PRKN: variants seen among roughly 807,000 people sequenced by gnomAD.
The protein encoded by PRKN is parkin RBR E3 ubiquitin protein ligase, also known as E3 ubiquitin-protein ligase parkin.
A neutral mutation model predicts 59.5 loss-of-function variants in PRKN; 56 were observed. The ratio of observed to expected loss-of-function variants is 0.94; its 90% CI spans 0.76 to 1.18. The LOEUF (loss-of-function observed/expected upper bound fraction) is 1.18. Among genes scored for constraint, PRKN ranks in the 50% most tolerant of loss-of-function variants. PRKN has a pLI of 0.00. For synonymous variants in PRKN, 250 were observed against 222.1 expected (o/e 1.13, Z -1.12); for missense variants, 657 against 596.4 (o/e 1.10, Z -1.06).
intron 1 of PRKN, among the ~76,000 whole-genome samples, chr6:162,526,125 G>A (rs1455321193): frequency 7.9e-5 from 12 of 152,134 alleles, no homozygotes; most frequent in African/African-American, 2.9e-4. Flanking sequence ...TTACAGGCAT[G>A]AGCCACTGCA....
In PRKN at chr6:162,010,501, AATATATTATATT is replaced by A. The variant is rs1782481405; in HGVS notation, c.619-37096_619-37085del. ...AATGTATTTATAATATATATTATATAATATATTATATTATATATTATATAATATATTATATAA... is the reference window on the plus strand; with the variant it reads ...AATGTATTTATAATATATATTATATAATATATTATATAATATATTATATAA... On this transcript the variant is annotated intron_variant, in intron 5 of 11. Coordinates refer to ENST00000366898, the MANE Select transcript of PRKN (RefSeq NM_004562.3). Among the ~76,000 whole-genome samples the A allele has an allele frequency of 2.7e-4, 12 of 44,304 alleles. 1 individual carries two copies. The highest frequency in any genetic ancestry group is 5.3e-4 in the Admixed American group (1 of 1,870). 29.1% of individuals were successfully genotyped at this position (44,304 alleles called of 152,430 possible). A position where few individuals can be genotyped will look rare whatever the true frequency, so the allele number is the denominator to read the frequency against.
chr6:161,606,541 A>G (rs1462301698), intron 7 of PRKN, among the ~76,000 whole-genome samples: 2 of 152,232 alleles, frequency 1.3e-5, no homozygotes, highest in African/African-American at 4.8e-5. Context: ...AGGGAAATAA[A>G]TCTATAAGGA....
intron 1 of PRKN, among the ~76,000 whole-genome samples, chr6:162,705,765 C>T (rs904353831): frequency 6.6e-6 from 1 of 152,168 alleles, no homozygotes; most frequent in Non-Finnish European, 1.5e-5. Context: ...AACCCTCAGT[C>T]AGCCCTGTAG....
intron 9 of PRKN, among the ~76,000 whole-genome samples, chr6:161,504,582 G>C (rs2115311995): frequency 6.6e-6 from 1 of 151,776 alleles, no homozygotes; most frequent in African/African-American, 2.4e-5. Context: ...GTGCAGGTTA[G>C]TTACATATGT....
At chr6:162,583,142 A>G (rs1302532356) in intron 1 of PRKN, among the ~76,000 whole-genome samples, 2 of 152,188 alleles carry the variant, frequency 1.3e-5, no homozygotes, top group African/African-American at 2.4e-5. Context: ...ACAAGGTGCC[A>G]CCTTGGAAGA....
intron 2 of PRKN, among the ~76,000 whole-genome samples, chr6:162,438,682 G>C (rs1032463209): frequency 5.9e-5 from 9 of 152,142 alleles, no homozygotes; most frequent in Non-Finnish European, 1.0e-4. Context: ...CTATAGGGAA[G>C]GTGTGATATT....
intron 2 of PRKN, among the ~76,000 whole-genome samples, chr6:162,422,134 G>T (rs796376860): frequency 5.3e-5 from 8 of 152,312 alleles, no homozygotes; most frequent in African/African-American, 1.7e-4. Context: ...CAGTTACTAA[G>T]ACACCATGTA....
intron 1 of PRKN, among the ~76,000 whole-genome samples, chr6:162,579,386 G>A (rs1454228564): frequency 2.0e-5 from 3 of 151,740 alleles, no homozygotes; most frequent in Non-Finnish European, 4.4e-5. Context: ...ACTTCCTTCA[G>A]TGGACAAAAT....
At chr6:162,561,089 A>G (rs561407371) in intron 1 of PRKN, among the ~76,000 whole-genome samples, 2 of 152,294 alleles carry the variant, frequency 1.3e-5, no homozygotes, top group East Asian at 3.9e-4. Context: ...GGAGAAATCC[A>G]TGGAGCGTGT....
intron 4 of PRKN, among the ~76,000 whole-genome samples, chr6:162,147,329 G>A (rs1782071712): frequency 7.5e-6 from 1 of 132,884 alleles, no homozygotes; most frequent in Non-Finnish European, 1.5e-5. Context: ...GGTGACAGAG[G>A]AAGACTCTGT....
chr6:161,577,156 C>A (rs1196990882), intron 7 of PRKN, among the ~76,000 whole-genome samples: 2 of 152,276 alleles, frequency 1.3e-5, no homozygotes, highest in Admixed American at 6.5e-5. Context: ...TTAGTAGGAA[C>A]AAAACACTCT....
At chr6:162,114,583 A>G (rs1780585235) in intron 4 of PRKN, among the ~76,000 whole-genome samples, 3 of 152,104 alleles carry the variant, frequency 2.0e-5, no homozygotes, top group Admixed American at 2.0e-4. Flanking sequence ...GAATATTTTC[A>G]CAACCTACTC....
At chr6:161,933,153 A>G (rs1271835269) in intron 6 of PRKN, among the ~76,000 whole-genome samples, 3 of 152,072 alleles carry the variant, frequency 2.0e-5, no homozygotes, top group Non-Finnish European at 4.4e-5. Context: ...GGTGATGCAC[A>G]TCTGTAATCC....
At chr6:161,899,475 G>A (rs116418265) in intron 6 of PRKN, among the ~76,000 whole-genome samples, 405 of 152,286 alleles carry the variant, frequency 2.7e-3, no homozygotes, top group African/African-American at 9.4e-3. Context: ...CAAAGGCTCA[G>A]ATAAAAGATA....
At chr6:161,515,905 A>C (rs1281034752) in intron 9 of PRKN, among the ~76,000 whole-genome samples, 1 of 152,260 alleles carries the variant, frequency 6.6e-6, no homozygotes, top group Non-Finnish European at 1.5e-5. Flanking sequence ...ACTGAAAAAA[A>C]TTAATAACCT....
chr6:162,370,473 C>A (rs1368611426), intron 2 of PRKN, among the ~76,000 whole-genome samples: 1 of 152,044 alleles, frequency 6.6e-6, no homozygotes. Flanking sequence ...AACTTCATTT[C>A]CCCAAATTAC....
At position 162,235,949 on chromosome 6, in the gene PRKN, G is replaced by A. The variant is rs866006693; in HGVS notation, c.412+26576C>T. On this transcript the variant is annotated intron_variant, in intron 3 of 11. Transcript: ENST00000366898. ...AGGAAGGAAGGAAGGAAGGAAGGAA[G>A]GAAGAAAGGAAGAAAGAAAGAAAGA... Among the ~76,000 whole-genome samples, 145 of 75,910 alleles carry A rather than the reference G, an allele frequency of 1.9e-3. 5 individuals are homozygous for A. The highest frequency in any genetic ancestry group is 6.3e-3 in the East Asian group (7 of 1,114). The allele number at this position is 75,910 out of a possible 152,430, so 49.8% of individuals were successfully genotyped here. A position where few individuals can be genotyped will look rare whatever the true frequency, so the allele number is the denominator to read the frequency against.
intron 2 of PRKN, among the ~76,000 whole-genome samples, chr6:162,389,718 G>A (rs1787063678): frequency 6.6e-6 from 1 of 152,178 alleles, no homozygotes; most frequent in Non-Finnish European, 1.5e-5. Flanking sequence ...GCGAAGATAA[G>A]TAACTTAGCC....
At chr6:162,095,075 T>A (rs1463945451) in intron 4 of PRKN, among the ~76,000 whole-genome samples, 1 of 152,158 alleles carries the variant, frequency 6.6e-6, no homozygotes, top group African/African-American at 2.4e-5. Flanking sequence ...AGGCTGAAGA[T>A]GGCTGGGGTG....
Sources: allele counts gnomAD v4.1 joint callset (sites outside exome capture counted in the v4.1 genomes callset), GRCh38; gene constraint gnomAD v4.1.1; transcripts MANE v1.5; gene names NCBI Gene and HGNC (gene_info 2026-07-23, HGNC 2026-07-21).